The following USP46 variants were observed in gnomAD, a reference collection of about 807,000 sequenced individuals.
The protein encoded by USP46 is ubiquitin specific peptidase 46, also known as ubiquitin carboxyl-terminal hydrolase 46.
In USP46, 12 loss-of-function variants were observed where a neutral mutation model predicts 44.4. The ratio of observed to expected loss-of-function variants is 0.27; its 90% confidence interval spans 0.17 to 0.44. USP46 has a LOEUF of 0.44. USP46 is among the 20% of genes least tolerant of loss of function. The pLI is 1.00. For missense variants in USP46, 248 were observed against 444.8 expected (o/e 0.56, Z 3.98); for synonymous variants, 155 against 161.5 (o/e 0.96, Z 0.31).
chr4:52,643,550 C>T (rs932800396), intron 1 of USP46, among the ~76,000 whole-genome samples: 3 of 152,216 alleles, frequency 2.0e-5, no homozygotes, highest in Admixed American at 2.0e-4. Context: ...AGCTTACCAA[C>T]CCCTGTACTA....
chr4:52,626,318 G>C, intron 3 of USP46, 71 bp from the exon 4 acceptor site: 1 of 1,284,448 alleles, frequency 7.8e-7, no homozygotes. Flanking sequence ...AGTGTTACAT[G>C]CCATACTTAA....
chr4:52,642,992 T>C (rs753796031), intron 1 of USP46, among the ~76,000 whole-genome samples: 10 of 151,806 alleles, frequency 6.6e-5, no homozygotes, highest in Non-Finnish European at 1.5e-4. Flanking sequence ...GTAGCTTATC[T>C]CTTGGTAACA....
At chr4:52,638,596 A>G (rs1214650631) in intron 1 of USP46, among the ~76,000 whole-genome samples, 1 of 148,976 alleles carries the variant, frequency 6.7e-6, no homozygotes, top group Non-Finnish European at 1.5e-5. Flanking sequence ...ATAATTATTA[A>G]CATCTGTCCA....
At chr4:52,623,723 C>T (rs1324792167) in intron 4 of USP46, among the ~76,000 whole-genome samples, 2 of 151,964 alleles carry the variant, frequency 1.3e-5, no homozygotes, top group Admixed American at 6.6e-5. Context: ...GTCAGGAGTT[C>T]GAAACCAGCC....
chr4:52,603,782 T>C (rs1560391693), intron 6 of USP46, among the ~76,000 whole-genome samples: 1 of 152,156 alleles, frequency 6.6e-6, no homozygotes, highest in Non-Finnish European at 1.5e-5. Flanking sequence ...CCTCCTGGGC[T>C]TAAGTGATTC....
At position 52,628,136 on chromosome 4, in the gene USP46, C is replaced by T. The variant is rs546992558; in HGVS notation, c.145G>A (p.Val49Met). The change falls in exon 3 of 9, where the codon GTG becomes ATG. Residue 49 changes from valine (V) to methionine (M), a missense_variant. Physicochemically the swap from Val to Met is conservative, Grantham distance 21 (BLOSUM62 1). This residue lies in a region of USP46 where 54 missense variants were observed against 135.0 expected (regional missense o/e 0.40). Coordinates refer to ENST00000441222, the MANE Select transcript of USP46 (RefSeq NM_022832.4). The part of the protein sequence containing the change: ...NFGNTCYCNS[V>M]LQALYFCRPF... The stretch of plus-strand genomic sequence containing the variant: ...CGGCAGAAGTACAATGCCTGAAGCA[C>T]GGAGTTACAGTAGCATGTGTTTCCA... 2.5e-6 allele frequency: 4 copies of T among 1,613,892 alleles called. No homozygotes were observed. The highest frequency in any genetic ancestry group is 1.1e-5 in the South Asian group (1 of 91,074).
Position 52,597,691 on chromosome 4 carries a change from T to A in USP46, c.1050A>T (p.Ile350=). The A allele has an allele frequency of 6.2e-7, 1 of 1,603,580 alleles. No homozygotes were observed. Among genetic ancestry groups the A allele is most frequent in the Non-Finnish European group, 8.5e-7 (1 of 1,174,620 alleles). Residue 350 remains isoleucine, a synonymous_variant, in exon 9 of 9, where the codon ATA becomes ATT. Transcript: ENST00000441222. ...IEEFYGLTSD[I]SKNSESGYIL... is the part of the protein sequence containing the mutation. ...TATATCCAGATTCTGAATTTTTTGA[T>A]ATATCTGACGTCAGGCCATAGAATT...
At chr4:52,633,469 G>T (rs956058103) in intron 1 of USP46, among the ~76,000 whole-genome samples, 1 of 152,070 alleles carries the variant, frequency 6.6e-6, no homozygotes, top group African/African-American at 2.4e-5. Flanking sequence ...GCAAATTATG[G>T]TAGGACTTTT....
Position 52,610,071 on chromosome 4 carries a change from G to A in USP46, c.638+470C>T, listed in dbSNP as rs528128851. On this transcript the variant is annotated intron_variant, in intron 5 of 8. Transcript: ENST00000441222. ...CTCCCGTGTAGCTGGGACTACAGGC[G>A]CGCGCCACCATGCCCGGCTAATTTT... 3.1e-4 allele frequency among the ~76,000 whole-genome samples: 46 copies of A among 149,086 alleles called. No individual in the cohort carries two copies. The South Asian group carries it at 5.9e-3, about 19-fold the overall frequency.
At chr4:52,645,792 T>C (rs1303534923) in intron 1 of USP46, among the ~76,000 whole-genome samples, 2 of 152,096 alleles carry the variant, frequency 1.3e-5, no homozygotes, top group African/African-American at 4.8e-5. Flanking sequence ...TTCCCACAAT[T>C]CTAGGGGCCT....
chr4:52,626,492 A>C (rs1717590889), intron 3 of USP46, among the ~76,000 whole-genome samples: 1 of 152,002 alleles, frequency 6.6e-6, no homozygotes. Context: ...CAGCTAGCTA[A>C]TTTTTGTATT....
At chr4:52,656,590 A>AC in intron 1 of USP46, 1 of 1,293,652 alleles carries the variant, frequency 7.7e-7, no homozygotes, top group Non-Finnish European at 9.8e-7. Flanking sequence ...ATGACATAAC[A>AC]ATGAGAAAGA....
At chr4:52,629,487 A>G in intron 2 of USP46, 1 of 400,258 alleles carries the variant, frequency 2.5e-6, no homozygotes, top group Non-Finnish European at 5.1e-6. Flanking sequence ...TGAATAACTC[A>G]CTTCACAGGG....
chr4:52,599,727 A>T (rs907004331), intron 7 of USP46, among the ~76,000 whole-genome samples: 5 of 152,122 alleles, frequency 3.3e-5, no homozygotes, highest in African/African-American at 1.2e-4. Context: ...TGCACTGTTA[A>T]AGTTGAAAAA....
intron 1 of USP46, among the ~76,000 whole-genome samples, chr4:52,634,375 G>A (rs552133381): frequency 2.0e-5 from 3 of 150,518 alleles, no homozygotes; most frequent in Non-Finnish European, 3.0e-5. Context: ...CGGTTGTGGT[G>A]GCAGCCGCCT....
rs577712136 is a variant in USP46, at chr4:52,639,451, G to A, written c.37-8307C>T. On this transcript the variant is annotated intron_variant, in intron 1 of 8. Coordinates refer to ENST00000441222, the MANE Select transcript of USP46 (RefSeq NM_022832.4). ...TCCTCAAGAGCCAGTTTCCATCTTT[G>A]GAACCAATATGGCTACTCTAGCTCC... Among the ~76,000 whole-genome samples the A allele has an allele frequency of 5.9e-5, 9 of 152,118 alleles. No homozygotes were observed. The South Asian group carries it at 1.9e-3, about 32-fold the overall frequency.
At chr4:52,598,199 T>C (rs991112988) in intron 8 of USP46, among the ~76,000 whole-genome samples, 2 of 152,246 alleles carry the variant, frequency 1.3e-5, no homozygotes, top group Non-Finnish European at 2.9e-5. Context: ...TGTATTGGTA[T>C]AATATAAAGA....
chr4:52,643,790 C>A (rs1718438127), intron 1 of USP46, among the ~76,000 whole-genome samples: 1 of 152,134 alleles, frequency 6.6e-6, no homozygotes. Flanking sequence ...CCATTCTACA[C>A]ATGAAAAAAA....
intron 1 of USP46, among the ~76,000 whole-genome samples, chr4:52,632,924 G>GAAAGA (rs1717904411): frequency 2.1e-5 from 1 of 46,716 alleles, no homozygotes; most frequent in East Asian, 5.3e-4. Flanking sequence ...GAAAGAGAAA[G>GAAAGA]AAAGAAAGAA....
Sources: allele counts gnomAD v4.1 joint callset (sites outside exome capture counted in the v4.1 genomes callset), GRCh38; gene constraint gnomAD v4.1.1; regional missense constraint gnomAD v4.1.1; transcripts MANE v1.5; gene names NCBI Gene and HGNC (gene_info 2026-07-23, HGNC 2026-07-21).